The following XRRA1 variants were observed in gnomAD, a reference collection of about 807,000 sequenced individuals.
The protein encoded by XRRA1 is X-ray radiation resistance-associated protein 1.
A neutral mutation model predicts 80.2 loss-of-function variants in XRRA1; 69 were observed. The observed-to-expected ratio is 0.86, with a 90% confidence interval of 0.71 to 1.05. XRRA1 has a LOEUF of 1.05. XRRA1 is among the 50% of genes least tolerant of loss of function. The pLI is 0.00. For missense variants in XRRA1, 967 were observed against 976.4 expected, an observed-to-expected ratio of 0.99 and a Z score of 0.13; for synonymous variants, 348 against 389.9, an observed-to-expected ratio of 0.89 and a Z score of 1.27.
chr11:74,866,654 T>A (rs1213946576), intron 10 of XRRA1, among the ~76,000 whole-genome samples: 14 of 135,362 alleles, frequency 1.0e-4, no homozygotes, highest in South Asian at 2.3e-4. Context: ...TTGAAATAAT[T>A]AAAAAAAAAA....
chr11:74,890,409 G>A (rs906380862), intron 10 of XRRA1, among the ~76,000 whole-genome samples: 14 of 152,124 alleles, frequency 9.2e-5, no homozygotes, highest in African/African-American at 3.4e-4. Flanking sequence ...GCAGTGTGTA[G>A]AGGGAAATTT....
chr11:74,922,230 C>T (rs375699675), intron 7 of XRRA1, among the ~76,000 whole-genome samples: 4 of 127,626 alleles, frequency 3.1e-5, no homozygotes, highest in South Asian at 4.9e-4. Context: ...GCACTCCAGC[C>T]TGGGCAACAG....
At chr11:74,890,841 A>C (rs1224368906) in intron 10 of XRRA1, among the ~76,000 whole-genome samples, 2 of 152,176 alleles carry the variant, frequency 1.3e-5, no homozygotes, top group Non-Finnish European at 2.9e-5. Flanking sequence ...CACCCTCCCA[A>C]GGCTAAACCA....
intron 8 of XRRA1, chr11:74,919,833 C>A: frequency 2.4e-6 from 1 of 415,284 alleles, no homozygotes. Flanking sequence ...ATGTCCCATG[C>A]CGAATCCATG....
rs139030606 is a variant in XRRA1, at chr11:74,903,561, G to T, written c.1003+2678C>A. Among the ~76,000 whole-genome samples, 798 of 152,250 alleles carry T rather than the reference G, an allele frequency of 5.2e-3. 5 individuals are homozygous for T. The highest frequency in any genetic ancestry group is 0.018 in the African/African-American group (757 of 41,556). ...CACTAAAAATACAAAAAATTAGCCG[G>T]GCATGGTGGCGGGCGCTTGTAGTCC... On this transcript the variant is annotated intron_variant, in intron 10 of 18. Coordinates refer to ENST00000684022, the MANE Select transcript of XRRA1 (RefSeq NM_001378157.1).
intron 10 of XRRA1, among the ~76,000 whole-genome samples, chr11:74,891,554 G>A (rs1215023911): frequency 6.6e-6 from 1 of 152,124 alleles, no homozygotes; most frequent in Non-Finnish European, 1.5e-5. Context: ...TTCTGGCCAG[G>A]GCAATCAGGC....
intron 5 of XRRA1, among the ~76,000 whole-genome samples, chr11:74,932,102 G>C (rs1490991855): frequency 6.6e-6 from 1 of 151,868 alleles, no homozygotes; most frequent in East Asian, 1.9e-4. Context: ...TGTTTTGTAG[G>C]AGCTCTTGAC....
At chr11:74,881,760 C>T (rs2047658608) in intron 10 of XRRA1, among the ~76,000 whole-genome samples, 1 of 150,268 alleles carries the variant, frequency 6.7e-6, no homozygotes, top group Admixed American at 6.6e-5. Context: ...TTCTCCTTCA[C>T]TTATGAAGCT....
intron 10 of XRRA1, among the ~76,000 whole-genome samples, chr11:74,888,979 T>C (rs2049895256): frequency 1.3e-5 from 2 of 152,342 alleles, no homozygotes; most frequent in South Asian, 2.1e-4. Flanking sequence ...GAAAACACTC[T>C]GCAGGATATT....
intron 8 of XRRA1, 139 bp from the exon 9 acceptor site, chr11:74,907,412 A>G: frequency 9.6e-7 from 1 of 1,037,308 alleles, no homozygotes; most frequent in Admixed American, 2.6e-5. Flanking sequence ...AGAGGTCCCC[A>G]TAGGGATGCA....
At chr11:74,881,221 CTTCT>C (rs879560556) in intron 10 of XRRA1, among the ~76,000 whole-genome samples, 12 of 151,714 alleles carry the variant, frequency 7.9e-5, no homozygotes, top group Admixed American at 2.6e-4. Context: ...ATTTAATGGC[CTTCT>C]TTGTCTCTTT....
At chr11:74,928,358 G>A (rs919184801) in intron 6 of XRRA1, among the ~76,000 whole-genome samples, 1 of 152,186 alleles carries the variant, frequency 6.6e-6, no homozygotes, top group African/African-American at 2.4e-5. Context: ...ATAATTTTGG[G>A]CTTCCCTGTG....
intron 3 of XRRA1, 64 bp from the exon 4 acceptor site, chr11:74,937,132 G>T: frequency 6.6e-7 from 1 of 1,510,460 alleles, no homozygotes; most frequent in South Asian, 1.3e-5. Context: ...TGCAGTTATA[G>T]ACTTTGTTTA....
intron 13 of XRRA1, 91 bp from the exon 14 acceptor site, chr11:74,851,294 T>C (rs764344818): frequency 5.6e-5 from 51 of 918,418 alleles, no homozygotes; most frequent in Non-Finnish European, 1.6e-6. Context: ...TTGCTTTACA[T>C]GTATTACTGA....
chr11:74,888,257 T>C (rs1335857738), intron 10 of XRRA1, among the ~76,000 whole-genome samples: 1 of 152,202 alleles, frequency 6.6e-6, no homozygotes, highest in Non-Finnish European at 1.5e-5. Context: ...CAACATCTGC[T>C]GTTCACCAAT....
chr11:74,901,512 G>C (rs1347594480), intron 10 of XRRA1, among the ~76,000 whole-genome samples: 1 of 152,116 alleles, frequency 6.6e-6, no homozygotes, highest in Non-Finnish European at 1.5e-5. Context: ...AACAAAACTA[G>C]AGGAATCACA....
chr11:74,860,425 G>C (rs921900240), intron 11 of XRRA1, among the ~76,000 whole-genome samples: 1 of 152,222 alleles, frequency 6.6e-6, no homozygotes, highest in South Asian at 2.1e-4. Context: ...TACAGAAAAG[G>C]AAAAGCCAGA....
In XRRA1 at chr11:74,853,634, C is replaced by G. The variant is rs80346809; in HGVS notation, c.1171-1552G>C. Among the ~76,000 whole-genome samples, 12 of 152,332 alleles carry G rather than the reference C, an allele frequency of 7.9e-5. No homozygotes were observed. In the East Asian group the frequency reaches 2.3e-3, roughly 29 times the overall value. On this transcript the variant is annotated intron_variant, in intron 12 of 18. Coordinates refer to ENST00000684022, the MANE Select transcript of XRRA1 (RefSeq NM_001378157.1). Reference sequence around the variant, plus strand: ...ATCATGTGGAAGGCCACCTGCCAACCAGGAATATCCAAGATGGACTTTGTA... The same window carrying G: ...ATCATGTGGAAGGCCACCTGCCAACGAGGAATATCCAAGATGGACTTTGTA...
chr11:74,850,695 C>A (rs1214294439), intron 14 of XRRA1, among the ~76,000 whole-genome samples: 1 of 152,134 alleles, frequency 6.6e-6, no homozygotes, highest in East Asian at 1.9e-4. Flanking sequence ...CCTGCCTTAG[C>A]TATTCTTTTT....
Sources: allele counts gnomAD v4.1 joint callset (sites outside exome capture counted in the v4.1 genomes callset), GRCh38; gene constraint gnomAD v4.1.1; transcripts MANE v1.5; gene names NCBI Gene and HGNC (gene_info 2026-07-23, HGNC 2026-07-21).